Variants in SLC5A8 observed in about 807,000 individuals in gnomAD.
SLC5A8 encodes the protein solute carrier family 5 member 8.
Under a neutral mutation model 71.9 loss-of-function variants are expected in SLC5A8, and 55 were observed. The observed-to-expected ratio is 0.77, with a 90% CI of 0.62 to 0.96. SLC5A8 has a LOEUF of 0.96. SLC5A8 is among the 40% of genes least tolerant of loss of function. The pLI is 0.00. For synonymous variants in SLC5A8, 307 were observed against 276.1 expected (o/e 1.11, Z -1.11); for missense variants, 701 against 745.3 (o/e 0.94, Z 0.69).
intron 5 of SLC5A8, among the ~76,000 whole-genome samples, chr12:101,192,042 C>T (rs1868935632): frequency 6.6e-6 from 1 of 152,166 alleles, no homozygotes; most frequent in Admixed American, 6.5e-5. Flanking sequence ...CAAGAGTAGT[C>T]ATTGGTTGTT....
chr12:101,189,250 C>G (rs1868796373), intron 6 of SLC5A8, among the ~76,000 whole-genome samples: 1 of 152,152 alleles, frequency 6.6e-6, no homozygotes, highest in African/African-American at 2.4e-5. Flanking sequence ...CTATAAATTA[C>G]ATTCCTCCAA....
chr12:101,187,551 G>A (rs913489237), intron 6 of SLC5A8, 36 bp from the exon 7 acceptor site: 1 of 1,580,808 alleles, frequency 6.3e-7, no homozygotes, highest in Non-Finnish European at 8.6e-7. Context: ...AAAGACAACT[G>A]TAATTTCTGT....
In SLC5A8 at chr12:101,165,454, G is replaced by A. The variant is rs574437064; in HGVS notation, c.1526+1040C>T. ...TGACTCTCCCAGTCCCCTCCCATTA[G>A]TGCTTTCATGCCTGTCCAGACTGCT... On this transcript the variant is annotated intron_variant, in intron 12 of 14. Coordinates refer to ENST00000536262, the MANE Select transcript of SLC5A8 (RefSeq NM_145913.5). 2.6e-5 allele frequency among the ~76,000 whole-genome samples: 4 copies of A among 152,092 alleles called. 1 individual carries two copies. Among genetic ancestry groups the A allele is most frequent in the African/African-American group, 9.6e-5 (4 of 41,482 alleles).
At chr12:101,158,622 A>C (rs867872163) in intron 13 of SLC5A8, among the ~76,000 whole-genome samples, 1 of 128,684 alleles carries the variant, frequency 7.8e-6, no homozygotes, top group Non-Finnish European at 1.7e-5. Context: ...ATATATATAT[A>C]TATATATATA....
rs142965122 is a variant in SLC5A8 at position 101,161,979 on chromosome 12, G to C, written c.1625C>G (p.Ser542Ter). 7 of 1,606,164 alleles carry C rather than the reference G, an allele frequency of 4.4e-6. No homozygotes were observed. In the African/African-American group the frequency reaches 9.4e-5, roughly 21 times the overall value. Residue 542 changes from serine to a stop codon, truncating the protein, a stop_gained, in exon 13 of 15, where the codon TCA (serine) becomes TGA (stop). Transcript: ENST00000536262. LOFTEE classifies it high-confidence loss of function. ...TLLVGILVSL[S>*]TGGRKQNLDP... Reference sequence around the variant, plus strand: ...ACTAATGTTTAGATAGTTACCTGTTGATAAACTGACAAGTATCCCCACTAA... The same window carrying C: ...ACTAATGTTTAGATAGTTACCTGTTCATAAACTGACAAGTATCCCCACTAA...
chr12:101,167,442 C>T (rs75854846), intron 11 of SLC5A8, among the ~76,000 whole-genome samples: 4 of 152,178 alleles, frequency 2.6e-5, no homozygotes, highest in East Asian at 3.9e-4. Context: ...TCAGTTTTTC[C>T]TGAACTACAT....
chr12:101,194,375 C>T (rs770843881), intron 4 of SLC5A8, among the ~76,000 whole-genome samples: 48 of 152,316 alleles, frequency 3.2e-4, no homozygotes, highest in Middle Eastern at 3.4e-3. Context: ...TTTCTCACTG[C>T]CTCGGACCAG....
chr12:101,165,105 T>C (rs1272211346), intron 12 of SLC5A8, among the ~76,000 whole-genome samples: 2 of 152,202 alleles, frequency 1.3e-5, no homozygotes, highest in Admixed American at 1.3e-4. Context: ...AAACAGTGGC[T>C]GGGAGAGGAA....
At chr12:101,187,613 A>C in intron 6 of SLC5A8, 98 bp from the exon 7 acceptor site, 2 of 1,265,624 alleles carry the variant, frequency 1.6e-6, no homozygotes, top group Non-Finnish European at 2.1e-6. Flanking sequence ...TCATGATTAG[A>C]CTCAATAAAT....
At chr12:101,197,388 T>C (rs1869231284) in intron 3 of SLC5A8, among the ~76,000 whole-genome samples, 1 of 152,176 alleles carries the variant, frequency 6.6e-6, no homozygotes, top group Non-Finnish European at 1.5e-5. Flanking sequence ...CTGGGACTCC[T>C]GAAGGAAATA....
Position 101,171,669 on chromosome 12 carries a change from G to T in SLC5A8, c.1234-3487C>A, listed in dbSNP as rs191413288. 3.9e-5 allele frequency among the ~76,000 whole-genome samples: 6 copies of T among 152,348 alleles called. 1 individual carries two copies. Among genetic ancestry groups the T allele is most frequent in the African/African-American group, 1.4e-4 (6 of 41,576 alleles). ...CAGACTCGCCAATGATGGGGGAAGA[G>T]TGGAGGACAGGTAGCGACCAAGTCT... On this transcript the variant is annotated intron_variant, in intron 10 of 14. Coordinates refer to ENST00000536262, the MANE Select transcript of SLC5A8 (RefSeq NM_145913.5).
chr12:101,174,512 A>G (rs2051861055), intron 10 of SLC5A8, among the ~76,000 whole-genome samples: 1 of 152,166 alleles, frequency 6.6e-6, no homozygotes, highest in African/African-American at 2.4e-5. Flanking sequence ...GTTAGTTACC[A>G]GCTGTTTCTT....
chr12:101,200,160 TA>T (rs1305945403), intron 3 of SLC5A8, among the ~76,000 whole-genome samples: 1 of 148,398 alleles, frequency 6.7e-6, no homozygotes, highest in East Asian at 2.1e-4. Context: ...TCCACTTATA[TA>T]AAATCTAACA....
At chr12:101,158,221 A>C in intron 14 of SLC5A8, 28 bp downstream of exon 14, 1 of 1,480,660 alleles carries the variant, frequency 6.8e-7, no homozygotes, top group Non-Finnish European at 9.4e-7. Flanking sequence ...CCAGTTTCCT[A>C]ACTCAAGGTA....
intron 1 of SLC5A8, among the ~76,000 whole-genome samples, chr12:101,206,573 A>C (rs558809614): frequency 1.7e-4 from 26 of 152,346 alleles, no homozygotes; most frequent in African/African-American, 6.3e-4. Context: ...TAGGCTGCTG[A>C]AGAAATACCC....
intron 8 of SLC5A8, 120 bp from the exon 9 acceptor site, chr12:101,183,035 CTTTTTTTTTTTTTTT>C (rs34182928): frequency 1.5e-4 from 11 of 74,544 alleles, no homozygotes; most frequent in African/African-American, 4.2e-4. Flanking sequence ...TTCTACTATG[CTTTTTTTTTTTTTTT>C]TTTTTTTTTT....
rs2051785281 is a variant in SLC5A8, at chr12:101,167,544, A to G, written c.1320+552T>C. On this transcript the variant is annotated intron_variant, in intron 11 of 14. Transcript: ENST00000536262. ...TTCCAAACAAAAGTTAGCACTTCTA[A>G]GCACAGATATGTCTAGGTAGAAGGA... Among the ~76,000 whole-genome samples, 3 of 152,226 alleles carry G rather than the reference A, an allele frequency of 2.0e-5. No individual in the cohort carries two copies. In the South Asian group the frequency reaches 6.2e-4, roughly 31 times the overall value.
chr12:101,209,359 AGGG>A, intron 1 of SLC5A8, 136 bp downstream of exon 1: 3 of 658,816 alleles, frequency 4.6e-6, no homozygotes, highest in Admixed American at 6.0e-5. Context: ...GGAGGAGTGA[AGGG>A]AGGGTGATGA....
rs1051677930 is a variant in SLC5A8 at position 101,204,432 on chromosome 12, T to C, written c.417+68A>G. 6.6e-6 allele frequency: 9 copies of C among 1,360,360 alleles called. No homozygotes were observed. In the African/African-American group the frequency reaches 1.2e-4, roughly 18 times the overall value. 84.3% of individuals were successfully genotyped at this position (1,360,360 alleles called of 1,614,324 possible). ...TCTTTTATGTGATTCCCAGGTAAGC[T>C]TAATCCAGATGCCATGGTTAAAAAC... On this transcript the variant is annotated intron_variant, in intron 2 of 14. Transcript: ENST00000536262.
Sources: allele counts gnomAD v4.1 joint callset (sites outside exome capture counted in the v4.1 genomes callset), GRCh38; gene constraint gnomAD v4.1.1; transcripts MANE v1.5; gene names NCBI Gene and HGNC (gene_info 2026-07-23, HGNC 2026-07-21).